Variants in AGPAT4 observed in about 807,000 individuals in gnomAD.
AGPAT4 encodes the protein 1-acylglycerol-3-phosphate O-acyltransferase 4, also known as 1-acyl-sn-glycerol-3-phosphate acyltransferase delta.
Under a neutral mutation model 48.0 loss-of-function variants are expected in AGPAT4, and 15 were observed. That is an observed-to-expected ratio of 0.31 (90% confidence interval 0.21 to 0.48). The LOEUF is 0.48. AGPAT4 is among the 20% of genes least tolerant of loss of function. The pLI is 0.99. For missense variants in AGPAT4, 314 were observed against 482.5 expected, an observed-to-expected ratio of 0.65 and a Z score of 3.27; for synonymous variants, 178 against 198.7, an observed-to-expected ratio of 0.90 and a Z score of 0.88.
In AGPAT4 at chr6:161,225,364, C is replaced by T. The variant is rs982755266; in HGVS notation, c.178+6672G>A. 1.3e-5 allele frequency among the ~76,000 whole-genome samples: 2 copies of T among 152,208 alleles called. No individual in the cohort carries two copies. Among genetic ancestry groups the T allele is most frequent in the Non-Finnish European group, 2.9e-5 (2 of 68,040 alleles). Reference sequence around the variant, plus strand: ...CCATGGGCTTCAGGGATAAGAACCCCTTCCCCTCTCTTGTCCAAGTGTGCA... The same window carrying T: ...CCATGGGCTTCAGGGATAAGAACCCTTTCCCCTCTCTTGTCCAAGTGTGCA... On this transcript the variant is annotated intron_variant, in intron 2 of 8. Coordinates refer to ENST00000320285, the MANE Select transcript of AGPAT4 (RefSeq NM_020133.3). The surrounding 1 kb of genome is among the most constrained non-coding windows in gnomAD (Gnocchi z 5.0).
intron 3 of AGPAT4, chr6:161,160,948 A>G (rs530000860): frequency 8.3e-5 from 38 of 455,900 alleles, no homozygotes; most frequent in African/African-American, 4.4e-4. Context: ...CACCCTATAG[A>G]TAATAGGTGC....
chr6:161,268,837 A>C (rs1783341924), intron 1 of AGPAT4, among the ~76,000 whole-genome samples: 3 of 152,142 alleles, frequency 2.0e-5, no homozygotes, highest in Non-Finnish European at 2.9e-5. Flanking sequence ...AATTCTACTA[A>C]GAAGAGTTTC....
At chr6:161,230,441 T>G (rs1782094301) in intron 2 of AGPAT4, among the ~76,000 whole-genome samples, 1 of 152,236 alleles carries the variant, frequency 6.6e-6, no homozygotes, top group Non-Finnish European at 1.5e-5. Flanking sequence ...ATTTAAATTC[T>G]GCTTAAATAG....
In AGPAT4 at chr6:161,233,431, T is replaced by C. The variant is rs1782183364; in HGVS notation, c.-89-1129A>G. ...ACGACAAACTTTCTAACAATAATAG[T>C]TGAGAGGCCCTAAAATTGTTACAAT... On this transcript the variant is annotated intron_variant, in intron 1 of 8. Coordinates refer to ENST00000320285, the MANE Select transcript of AGPAT4 (RefSeq NM_020133.3). This position sits in a 1 kb window ranked among gnomAD's most constrained non-coding sequence, Gnocchi z 5.4. 6.6e-6 allele frequency among the ~76,000 whole-genome samples: 1 copy of C among 152,198 alleles called. No individual in the cohort carries two copies. The highest frequency in any genetic ancestry group is 2.1e-4 in the South Asian group (1 of 4,832).
At chr6:161,260,257 T>G (rs532403993) in intron 1 of AGPAT4, among the ~76,000 whole-genome samples, 1 of 152,264 alleles carries the variant, frequency 6.6e-6, no homozygotes, top group East Asian at 1.9e-4. Context: ...GAATGAACAC[T>G]GACCAGTCCC....
rs1164884382 is a variant in AGPAT4 at position 161,195,111 on chromosome 6, A to G, written c.179-28694T>C. 6.6e-6 allele frequency among the ~76,000 whole-genome samples: 1 copy of G among 152,192 alleles called. No homozygotes were observed. The highest frequency in any genetic ancestry group is 1.5e-5 in the Non-Finnish European group (1 of 68,040). On this transcript the variant is annotated intron_variant, in intron 2 of 8. Coordinates refer to ENST00000320285, the MANE Select transcript of AGPAT4 (RefSeq NM_020133.3). This position sits in a 1 kb window ranked among gnomAD's most constrained non-coding sequence, Gnocchi z 5.0. ...TTGAGGCCTTTCTGGGGATCTCAACATTAAGTACAAAATTAAATATATTCT... is the reference window on the plus strand; with the variant it reads ...TTGAGGCCTTTCTGGGGATCTCAACGTTAAGTACAAAATTAAATATATTCT...
In AGPAT4 at chr6:161,165,055, TCCATGACGGGGTTAGGA is replaced by T. The variant is rs981706314; in HGVS notation, c.348+1176_348+1192del. 6.6e-6 allele frequency among the ~76,000 whole-genome samples: 1 copy of T among 152,168 alleles called. No individual in the cohort carries two copies. Among genetic ancestry groups the T allele is most frequent in the African/African-American group, 2.4e-5 (1 of 41,444 alleles). ...AGAACCCTGCCATTCACCCCTGGTATCCATGACGGGGTTAGGACCATGACATTCTAAGGGGCGATCTC... is the reference window on the plus strand; with the variant it reads ...AGAACCCTGCCATTCACCCCTGGTATCCATGACATTCTAAGGGGCGATCTC... On this transcript the variant is annotated intron_variant, in intron 3 of 8. Coordinates refer to ENST00000320285, the MANE Select transcript of AGPAT4 (RefSeq NM_020133.3). The surrounding 1 kb of genome is among the most constrained non-coding windows in gnomAD (Gnocchi z 5.5).
chr6:161,164,040 G>A lies in AGPAT4; in HGVS notation c.348+2208C>T, dbSNP rs972254792. 6.6e-6 allele frequency among the ~76,000 whole-genome samples: 1 copy of A among 152,168 alleles called. No individual in the cohort carries two copies. Among genetic ancestry groups the A allele is most frequent in the East Asian group, 1.9e-4 (1 of 5,194 alleles). On this transcript the variant is annotated intron_variant, in intron 3 of 8. Transcript: ENST00000320285. This position sits in a 1 kb window ranked among gnomAD's most constrained non-coding sequence, Gnocchi z 7.4. Reference sequence around the variant, plus strand: ...CACCGATGAAATCAAGGGGAGGTGCGGTCCCTATGCTGCAGGTGGGATGGG... The same window carrying A: ...CACCGATGAAATCAAGGGGAGGTGCAGTCCCTATGCTGCAGGTGGGATGGG...
In AGPAT4 at chr6:161,132,943, T is replaced by A. The variant is rs1778949519; in HGVS notation, c.*3597A>T. 6.6e-6 allele frequency: 1 copy of A among 152,208 alleles called. No homozygotes were observed. The highest frequency in any genetic ancestry group is 6.5e-5 in the Admixed American group (1 of 15,282). 9.4% of individuals were successfully genotyped at this position (152,208 alleles called of 1,614,324 possible). A position where few individuals can be genotyped will look rare whatever the true frequency, so the allele number is the denominator to read the frequency against. ...AAATGGCAGCTCACAAATATTCCTC[T>A]AAATATTCCTCCATACAGCCTAGGG... On this transcript the variant is annotated 3_prime_UTR_variant, in exon 9 of 9. Coordinates refer to ENST00000320285, the MANE Select transcript of AGPAT4 (RefSeq NM_020133.3).
At chr6:161,263,780 G>A (rs1050359234) in intron 1 of AGPAT4, among the ~76,000 whole-genome samples, 1 of 152,128 alleles carries the variant, frequency 6.6e-6, no homozygotes, top group African/African-American at 2.4e-5. Flanking sequence ...CATGATTTGG[G>A]GGGCTGTGAT....
chr6:161,241,361 G>T (rs575625583), intron 1 of AGPAT4, among the ~76,000 whole-genome samples: 11 of 150,814 alleles, frequency 7.3e-5, no homozygotes, highest in African/African-American at 2.7e-4. Context: ...ACAGTCCTTT[G>T]TCCAGTACAT....
At chr6:161,268,192 G>T (rs995412532) in intron 1 of AGPAT4, among the ~76,000 whole-genome samples, 5 of 152,166 alleles carry the variant, frequency 3.3e-5, no homozygotes, top group African/African-American at 1.2e-4. Context: ...TCCATGTACT[G>T]GCACATAGGA....
intron 2 of AGPAT4, among the ~76,000 whole-genome samples, chr6:161,172,473 C>T (rs916774756): frequency 1.3e-5 from 2 of 152,094 alleles, no homozygotes; most frequent in Non-Finnish European, 2.9e-5. Context: ...TCCCAGAGAG[C>T]CAGGGGCACC....
Position 161,177,577 on chromosome 6 carries a change from C to T in AGPAT4, c.179-11160G>A, listed in dbSNP as rs927453553. On this transcript the variant is annotated intron_variant, in intron 2 of 8. Transcript: ENST00000320285. This position sits in a 1 kb window ranked among gnomAD's most constrained non-coding sequence, Gnocchi z 5.0. ...TTTTTCAAGGTTTTTAGCTTCTTTG[C>T]GATTGGTTCAAACATCCTCCTTTAG... Among the ~76,000 whole-genome samples the T allele has an allele frequency of 1.3e-4, 20 of 152,014 alleles. No homozygotes were observed. Among genetic ancestry groups the T allele is most frequent in the African/African-American group, 1.7e-4 (7 of 41,390 alleles).
chr6:161,175,482 A>G (rs1412206915), intron 2 of AGPAT4, among the ~76,000 whole-genome samples: 1 of 152,082 alleles, frequency 6.6e-6, no homozygotes, highest in African/African-American at 2.4e-5. Flanking sequence ...TTTCCGTGGG[A>G]TCAGTGGTGA....
intron 1 of AGPAT4, among the ~76,000 whole-genome samples, chr6:161,252,991 A>C (rs926716491): frequency 6.6e-6 from 1 of 151,954 alleles, no homozygotes; most frequent in Non-Finnish European, 1.5e-5. Flanking sequence ...CAAGGCAGGC[A>C]GATCATGAGG....
Position 161,197,165 on chromosome 6 carries a change from G to GA in AGPAT4, c.179-30749dup, listed in dbSNP as rs1156493301. On this transcript the variant is annotated intron_variant, in intron 2 of 8. Transcript: ENST00000320285. This position sits in a 1 kb window ranked among gnomAD's most constrained non-coding sequence, Gnocchi z 5.7. Reference sequence around the variant, plus strand: ...AGTATTTTAGGAGATGGGCCATTTGGAAAAAAATGAGATAAACCAATGCTT... The same window carrying GA: ...AGTATTTTAGGAGATGGGCCATTTGGAAAAAAAATGAGATAAACCAATGCTT... 6.6e-6 allele frequency among the ~76,000 whole-genome samples: 1 copy of GA among 152,064 alleles called. No homozygotes were observed. Among genetic ancestry groups the GA allele is most frequent in the African/African-American group, 2.4e-5 (1 of 41,398 alleles).
In AGPAT4 at chr6:161,235,975, G is replaced by A. The variant is rs765972034; in HGVS notation, c.-89-3673C>T. 2.1e-4 allele frequency among the ~76,000 whole-genome samples: 32 copies of A among 152,150 alleles called. No individual in the cohort carries two copies. Among genetic ancestry groups the A allele is most frequent in the Admixed American group, 1.2e-3 (19 of 15,272 alleles). On this transcript the variant is annotated intron_variant, in intron 1 of 8. Transcript: ENST00000320285. This position sits in a 1 kb window ranked among gnomAD's most constrained non-coding sequence, Gnocchi z 6.2. ...ATAAAACAGCACTTTCTCTTCTAAC[G>A]TGGCAATTAGCCAATTTCATGTCAT...
At chr6:161,239,406 G>A (rs920629944) in intron 1 of AGPAT4, among the ~76,000 whole-genome samples, 1 of 152,192 alleles carries the variant, frequency 6.6e-6, no homozygotes, top group African/African-American at 2.4e-5. Flanking sequence ...AAATAAGCAT[G>A]AACTTCAGTC....
Sources: allele counts gnomAD v4.1 joint callset (sites outside exome capture counted in the v4.1 genomes callset), GRCh38; gene constraint gnomAD v4.1.1; non-coding constraint Gnocchi (gnomAD v3.1); transcripts MANE v1.5; gene names NCBI Gene and HGNC (gene_info 2026-07-23, HGNC 2026-07-21).